Variants in KCMF1 observed in about 807,000 individuals in gnomAD.
KCMF1 encodes potassium channel modulatory factor 1, also known as E3 ubiquitin-protein ligase KCMF1.
Under a neutral mutation model 41.1 loss-of-function variants are expected in KCMF1, and 3 were observed. The observed-to-expected ratio is 0.07, with a 90% CI of 0.03 to 0.19. The LOEUF (loss-of-function observed/expected upper bound fraction) is 0.19, where lower values mean the gene tolerates loss of function less well. Among genes scored for constraint, KCMF1 ranks in the 10% least tolerant of loss-of-function variants. The pLI, the probability that KCMF1 is intolerant of heterozygous loss-of-function variation, is 1.00. For missense variants in KCMF1, 286 were observed against 488.9 expected, an observed-to-expected ratio of 0.58 and a Z score of 3.91; for synonymous variants, 142 against 164.5, an observed-to-expected ratio of 0.86 and a Z score of 1.04.
chr2:85,021,609 G>A (rs1194032779), intron 1 of KCMF1, among the ~76,000 whole-genome samples: 2 of 149,528 alleles, frequency 1.3e-5, no homozygotes, highest in African/African-American at 4.9e-5. Context: ...GCAACAGAGC[G>A]AGACTGTCAC....
At chr2:85,012,198 A>G (rs1467825562) in intron 1 of KCMF1, among the ~76,000 whole-genome samples, 1 of 152,222 alleles carries the variant, frequency 6.6e-6, no homozygotes, top group African/African-American at 2.4e-5. Flanking sequence ...AGCAATCTCT[A>G]TAGCCAGGCA....
chr2:85,044,011 C>T (rs1675604841), intron 4 of KCMF1, among the ~76,000 whole-genome samples: 1 of 152,208 alleles, frequency 6.6e-6, no homozygotes, highest in Non-Finnish European at 1.5e-5. Flanking sequence ...GAACCATTTT[C>T]ATTAAGTGAA....
Position 85,055,221 on chromosome 2 carries a change from C to A in KCMF1, c.*1812C>A, listed in dbSNP as rs1457143487. 2 of 152,180 alleles carry A rather than the reference C, an allele frequency of 1.3e-5. No individual in the cohort carries two copies. The highest frequency in any genetic ancestry group is 1.3e-4 in the Admixed American group (2 of 15,284). The allele number at this position is 152,180 out of a possible 1,614,324, so 9.4% of individuals were successfully genotyped here. A position where few individuals can be genotyped will look rare whatever the true frequency, so the allele number is the denominator to read the frequency against. ...ACATCTGCACATAAGTCACACATTT[C>A]AATAAAGCATTTTCAAGACTGTTGA... On this transcript the variant is annotated 3_prime_UTR_variant, in exon 7 of 7. Transcript: ENST00000409785.
At chr2:84,981,365 A>G (rs1390278060) in intron 1 of KCMF1, among the ~76,000 whole-genome samples, 3 of 151,780 alleles carry the variant, frequency 2.0e-5, no homozygotes, top group South Asian at 2.1e-4. Context: ...AATTTTTTGT[A>G]TTTTTAGTAG....
chr2:85,008,377 T>TATATTATATATGATATATATTATATATC (rs1674559795), intron 1 of KCMF1, among the ~76,000 whole-genome samples: 2 of 120,498 alleles, frequency 1.7e-5, no homozygotes, highest in African/African-American at 3.6e-5. Context: ...TATCATATGA[T>TATATTATATATGATATATATTATATATC]ATATTATATA....
In KCMF1 at chr2:85,051,655, A is replaced by G. The variant is rs145987995; in HGVS notation, c.885-1493A>G. 1.4e-3 allele frequency among the ~76,000 whole-genome samples: 206 copies of G among 150,746 alleles called. 2 individuals are homozygous for G. In the Middle Eastern group the frequency reaches 0.02, roughly 15 times the overall value. ...CCACATCTTTTATTGTATTATATTCATATGATTTATTTAAGGCAATATTTC... is the reference window on the plus strand; with the variant it reads ...CCACATCTTTTATTGTATTATATTCGTATGATTTATTTAAGGCAATATTTC... On this transcript the variant is annotated intron_variant, in intron 6 of 6. Coordinates refer to ENST00000409785, the MANE Select transcript of KCMF1 (RefSeq NM_020122.5).
intron 1 of KCMF1, among the ~76,000 whole-genome samples, chr2:84,972,701 A>G (rs1673431656): frequency 6.6e-6 from 1 of 152,240 alleles, no homozygotes; most frequent in African/African-American, 2.4e-5. Context: ...TCAAGGCTGA[A>G]AAACTCAGAT....
rs549557695 is a variant in KCMF1 at position 84,985,653 on chromosome 2, A to G, written c.16+14186A>G. Among the ~76,000 whole-genome samples, 8 of 152,266 alleles carry G rather than the reference A, an allele frequency of 5.3e-5. No homozygotes were observed. In the South Asian group the frequency reaches 1.7e-3, roughly 32 times the overall value. The stretch of plus-strand genomic sequence containing the variant: ...AGACCAGCCTGGCCAACATGGTGAA[A>G]CCCCGTCTCTACTAAAAATACAAAA... On this transcript the variant is annotated intron_variant, in intron 1 of 6. Transcript: ENST00000409785.
At position 84,994,388 on chromosome 2, in the gene KCMF1, C is replaced by T. The variant is rs905715856; in HGVS notation, c.16+22921C>T. ...ATGGAATTGCAATGTTACTATCACA[C>T]CTCACTAAACTAACAATACTTCTTT... On this transcript the variant is annotated intron_variant, in intron 1 of 6. Coordinates refer to ENST00000409785, the MANE Select transcript of KCMF1 (RefSeq NM_020122.5). Among the ~76,000 whole-genome samples the T allele has an allele frequency of 5.3e-5, 8 of 152,212 alleles. No individual in the cohort carries two copies. The East Asian group carries it at 1.5e-3, about 29-fold the overall frequency.
chr2:85,003,781 G>C (rs1312720546), intron 1 of KCMF1, among the ~76,000 whole-genome samples: 2 of 151,916 alleles, frequency 1.3e-5, no homozygotes, highest in African/African-American at 4.8e-5. Context: ...TATAAAATAG[G>C]GTCAAGTACA....
chr2:84,997,138 C>T (rs940672773), intron 1 of KCMF1, among the ~76,000 whole-genome samples: 9 of 152,160 alleles, frequency 5.9e-5, no homozygotes, highest in African/African-American at 1.9e-4. Flanking sequence ...CTATACCTAG[C>T]GTGACAACTA....
intron 1 of KCMF1, among the ~76,000 whole-genome samples, chr2:84,987,163 A>G (rs1036292338): frequency 6.6e-6 from 1 of 152,250 alleles, no homozygotes; most frequent in Non-Finnish European, 1.5e-5. Context: ...AGCAAGGTAG[A>G]TAAGTGAAGG....
chr2:85,033,618 C>CGA (rs1675336098), intron 2 of KCMF1, among the ~76,000 whole-genome samples: 1 of 152,160 alleles, frequency 6.6e-6, no homozygotes, highest in Non-Finnish European at 1.5e-5. Flanking sequence ...CTCAAGGGAG[C>CGA]TAATTCAGTC....
intron 1 of KCMF1, among the ~76,000 whole-genome samples, chr2:84,977,269 C>T (rs755427590): frequency 6.6e-6 from 1 of 152,116 alleles, no homozygotes; most frequent in Non-Finnish European, 1.5e-5. Flanking sequence ...GACTGCAAAG[C>T]CAAGATTGGT....
chr2:85,025,586 C>T (rs1675083236), intron 1 of KCMF1, among the ~76,000 whole-genome samples: 1 of 152,096 alleles, frequency 6.6e-6, no homozygotes, highest in African/African-American at 2.4e-5. Flanking sequence ...GAATTTGGCA[C>T]ATCTCGATGG....
chr2:85,021,478 C>T (rs1221060915), intron 1 of KCMF1, among the ~76,000 whole-genome samples: 4 of 152,046 alleles, frequency 2.6e-5, no homozygotes, highest in East Asian at 1.9e-4. Context: ...AAAAATTAGC[C>T]GGGTGTGGTG....
intron 6 of KCMF1, 51 bp from the exon 7 acceptor site, chr2:85,053,097 A>G: frequency 6.6e-7 from 1 of 1,519,726 alleles, no homozygotes; most frequent in Non-Finnish European, 8.9e-7. Flanking sequence ...TGGCCATGCC[A>G]TTGTTCATTG....
chr2:84,986,775 G>C (rs13020245), intron 1 of KCMF1, among the ~76,000 whole-genome samples: 1 of 151,808 alleles, frequency 6.6e-6, no homozygotes, highest in Non-Finnish European at 1.5e-5. Context: ...CCAGTTACTC[G>C]GGAGGCTGAG....
chr2:85,059,172 CAATT>C lies in KCMF1; in HGVS notation c.*5766_*5769del, dbSNP rs898539765. The C allele has an allele frequency of 2.0e-5, 3 of 152,244 alleles. No individual in the cohort carries two copies. Among genetic ancestry groups the C allele is most frequent in the African/African-American group, 7.2e-5 (3 of 41,542 alleles). 9.4% of individuals were successfully genotyped at this position (152,244 alleles called of 1,614,324 possible). A position where few individuals can be genotyped will look rare whatever the true frequency, so the allele number is the denominator to read the frequency against. Reference sequence around the variant, plus strand: ...TTTTGCCCACGAGAACCTTTCATGACAATTAACAAGACACTAGTTTCCCCATAAA... The same window carrying C: ...TTTTGCCCACGAGAACCTTTCATGACAACAAGACACTAGTTTCCCCATAAA... On this transcript the variant is annotated 3_prime_UTR_variant, in exon 7 of 7. Transcript: ENST00000409785.
Sources: gnomAD v4.1 joint callset for allele counts (sites outside exome capture counted in the v4.1 genomes callset) on GRCh38, gnomAD v4.1.1 for gene constraint, MANE v1.5 for transcripts, NCBI Gene and HGNC (gene_info 2026-07-23, HGNC 2026-07-21) for gene names.